MEGF9: variants seen among roughly 807,000 people sequenced by gnomAD.
MEGF9 encodes multiple EGF like domains 9, also known as multiple epidermal growth factor-like domains protein 9.
In MEGF9, 6 loss-of-function variants were observed where a neutral mutation model predicts 46.8. The ratio of observed to expected loss-of-function variants is 0.13; its 90% confidence interval spans 0.07 to 0.25. The LOEUF is 0.25. Among genes scored for constraint, MEGF9 ranks in the 10% least tolerant of loss-of-function variants. The probability of loss-of-function intolerance (pLI) is 1.00; values close to 1 mark genes in which losing one functional copy is unlikely to be tolerated. For synonymous variants in MEGF9, 302 were observed against 330.7 expected (o/e 0.91, Z 0.94); for missense variants, 683 against 792.4 (o/e 0.86, Z 1.66).
intron 1 of MEGF9, among the ~76,000 whole-genome samples, chr9:120,683,764 C>T (rs2043809188): frequency 6.6e-6 from 1 of 151,866 alleles, no homozygotes; most frequent in Non-Finnish European, 1.5e-5. Context: ...TGTGGGGGCA[C>T]ACACCTGCAG....
At chr9:120,707,034 G>T (rs2043932206) in intron 1 of MEGF9, among the ~76,000 whole-genome samples, 1 of 152,128 alleles carries the variant, frequency 6.6e-6, no homozygotes, top group Admixed American at 6.6e-5. Context: ...GGATTCTGGA[G>T]CCAGACCCAC....
At position 120,605,657 on chromosome 9, in the gene MEGF9, G is replaced by A. The variant is rs1424597777; in HGVS notation, c.1358-16C>T. 6.6e-7 allele frequency: 1 copy of A among 1,512,008 alleles called. No homozygotes were observed. The highest frequency in any genetic ancestry group is 1.3e-5 in the South Asian group (1 of 78,810). The allele number at this position is 1,512,008 out of a possible 1,614,324, so 93.7% of individuals were successfully genotyped here. ...AGAATAACTTCTGAAAATAAAAACA[G>A]AGAATGAAATGTAAAAGACAAAATT... On this transcript the variant is annotated splice_polypyrimidine_tract_variant and intron_variant, in intron 5 of 5. Transcript: ENST00000373930. This position sits in a 1 kb window ranked among gnomAD's most constrained non-coding sequence, Gnocchi z 4.0.
intron 2 of MEGF9, among the ~76,000 whole-genome samples, chr9:120,656,812 G>A (rs1402744517): frequency 6.6e-6 from 1 of 152,152 alleles, no homozygotes; most frequent in African/African-American, 2.4e-5. Flanking sequence ...GCCAGGCATG[G>A]TGGCTCATGC....
chr9:120,666,513 G>A (rs74506746), intron 1 of MEGF9, among the ~76,000 whole-genome samples: 16 of 152,212 alleles, frequency 1.1e-4, no homozygotes, highest in African/African-American at 2.9e-4. Flanking sequence ...CTAATTGCTG[G>A]CAAGCATGCA....
intron 2 of MEGF9, among the ~76,000 whole-genome samples, chr9:120,628,474 T>TG (rs2043536244): frequency 1.4e-5 from 2 of 139,068 alleles, no homozygotes; most frequent in African/African-American, 5.4e-5. Flanking sequence ...CGTTGTTTTT[T>TG]TTTTTTTTTT....
At chr9:120,667,419 A>G (rs1455855025) in intron 1 of MEGF9, among the ~76,000 whole-genome samples, 2 of 152,220 alleles carry the variant, frequency 1.3e-5, no homozygotes, top group Admixed American at 6.5e-5. Context: ...GGAGAAGAGG[A>G]AAAAAATGAA....
rs372637536 is a variant in MEGF9 at position 120,691,383 on chromosome 9, A to G, written c.601+22375T>C. The G allele has an allele frequency of 1.6e-5, 7 of 438,928 alleles. No individual in the cohort carries two copies. In the East Asian group the frequency reaches 4.8e-4, roughly 30 times the overall value. The allele number at this position is 438,928 out of a possible 1,614,324, so 27.2% of individuals were successfully genotyped here. A position where few individuals can be genotyped will look rare whatever the true frequency, so the allele number is the denominator to read the frequency against. ...TTGGTATATATTCAAAATTTTCCAC[A>G]ATACAAAAGTTTTTAAGTATCTTTA... On this transcript the variant is annotated intron_variant, in intron 1 of 5. Coordinates refer to ENST00000373930, the MANE Select transcript of MEGF9 (RefSeq NM_001080497.3).
intron 2 of MEGF9, among the ~76,000 whole-genome samples, chr9:120,630,785 A>G (rs2043547277): frequency 6.6e-6 from 1 of 152,052 alleles, no homozygotes; most frequent in Non-Finnish European, 1.5e-5. Context: ...TTTCATTTGT[A>G]TGTTTTTGTT....
intron 3 of MEGF9, among the ~76,000 whole-genome samples, chr9:120,617,341 C>T (rs553038808): frequency 3.3e-5 from 5 of 152,272 alleles, no homozygotes; most frequent in African/African-American, 1.2e-4. Flanking sequence ...ATTTATTTTA[C>T]CATTTCATCA....
chr9:120,620,230 C>G (rs1426346731), intron 3 of MEGF9, among the ~76,000 whole-genome samples: 1 of 152,108 alleles, frequency 6.6e-6, no homozygotes, highest in Non-Finnish European at 1.5e-5. Flanking sequence ...TGAGAATCAG[C>G]AATGTAGACT....
At chr9:120,622,817 C>T in intron 2 of MEGF9, 62 bp from the exon 3 acceptor site, 1 of 1,568,294 alleles carries the variant, frequency 6.4e-7, no homozygotes, top group Non-Finnish European at 8.7e-7. Context: ...TATTGAGTAA[C>T]ACCCCAGAAG....
At chr9:120,669,246 T>C (rs941036905) in intron 1 of MEGF9, among the ~76,000 whole-genome samples, 7 of 152,188 alleles carry the variant, frequency 4.6e-5, no homozygotes, top group Non-Finnish European at 1.0e-4. Context: ...AATTGCTCAA[T>C]GATGGCAAAT....
At chr9:120,705,014 TA>T (rs2043921943) in intron 1 of MEGF9, among the ~76,000 whole-genome samples, 3 of 152,186 alleles carry the variant, frequency 2.0e-5, no homozygotes, top group Admixed American at 2.0e-4. Flanking sequence ...TAACTTCTAT[TA>T]TGAAAGTTTT....
At chr9:120,693,080 T>A (rs2043857735) in intron 1 of MEGF9, among the ~76,000 whole-genome samples, 1 of 152,056 alleles carries the variant, frequency 6.6e-6, no homozygotes, top group African/African-American at 2.4e-5. Flanking sequence ...AAAGATCTGA[T>A]GAATGTAAAA....
intron 1 of MEGF9, among the ~76,000 whole-genome samples, chr9:120,704,819 TA>T (rs1352581321): frequency 6.6e-6 from 1 of 152,242 alleles, no homozygotes; most frequent in Non-Finnish European, 1.5e-5. Flanking sequence ...CTATTAACTT[TA>T]ATTATATTTC....
chr9:120,641,737 C>T (rs2043604098), intron 2 of MEGF9, among the ~76,000 whole-genome samples: 1 of 152,174 alleles, frequency 6.6e-6, no homozygotes, highest in Non-Finnish European at 1.5e-5. Context: ...ATTAACTGTA[C>T]TTATTTCACT....
intron 2 of MEGF9, among the ~76,000 whole-genome samples, chr9:120,637,232 G>A (rs530095268): frequency 6.6e-6 from 1 of 152,054 alleles, no homozygotes; most frequent in South Asian, 2.1e-4. Context: ...CAGCATGCTC[G>A]TTAAGAGTCA....
In MEGF9 at chr9:120,603,172, C is replaced by T. The variant is rs1446021485; in HGVS notation, c.*2018G>A. On this transcript the variant is annotated 3_prime_UTR_variant, in exon 6 of 6. Transcript: ENST00000373930. ...TGATTCCAAGCCTAATAATCACACACATTGTATAGCCTTGAACAAGATATT... is the reference window on the plus strand; with the variant it reads ...TGATTCCAAGCCTAATAATCACACATATTGTATAGCCTTGAACAAGATATT... The T allele has an allele frequency of 6.6e-6, 1 of 152,138 alleles. No individual in the cohort carries two copies. Among genetic ancestry groups the T allele is most frequent in the African/African-American group, 2.4e-5 (1 of 41,434 alleles). The allele number at this position is 152,138 out of a possible 1,614,324, so 9.4% of individuals were successfully genotyped here.
At chr9:120,668,293 A>C (rs62578013) in intron 1 of MEGF9, among the ~76,000 whole-genome samples, 123 of 152,330 alleles carry the variant, frequency 8.1e-4, no homozygotes, top group Non-Finnish European at 1.4e-3. Context: ...TATTGCCACA[A>C]ATCTTTGAAA....
Sources: gnomAD v4.1 joint callset for allele counts (sites outside exome capture counted in the v4.1 genomes callset) on GRCh38, gnomAD v4.1.1 for gene constraint, Gnocchi (gnomAD v3.1) non-coding constraint, MANE v1.5 for transcripts, NCBI Gene and HGNC (gene_info 2026-07-23, HGNC 2026-07-21) for gene names.